Variants in GALNTL6 observed in about 807,000 individuals in gnomAD.
GALNTL6 encodes polypeptide N-acetylgalactosaminyltransferase-like 6.
A neutral mutation model predicts 73.7 loss-of-function variants in GALNTL6; 46 were observed. That is an observed-to-expected ratio of 0.62 (90% CI 0.49 to 0.80). The LOEUF (loss-of-function observed/expected upper bound fraction) is 0.80. GALNTL6 is among the 30% of genes least tolerant of loss of function. GALNTL6 has a pLI of 0.00. For missense variants in GALNTL6, 604 were observed against 755.0 expected, an observed-to-expected ratio of 0.80 and a Z score of 2.34; for synonymous variants, 259 against 263.7, an observed-to-expected ratio of 0.98 and a Z score of 0.17.
chr4:172,104,219 A>G (rs1408838858), intron 2 of GALNTL6, among the ~76,000 whole-genome samples: 1 of 152,166 alleles, frequency 6.6e-6, no homozygotes, highest in Non-Finnish European at 1.5e-5. Context: ...CTGGGATTAC[A>G]GGTGTGAGCC....
At chr4:172,341,429 CG>C (rs1741559524) in intron 4 of GALNTL6, among the ~76,000 whole-genome samples, 1 of 121,684 alleles carries the variant, frequency 8.2e-6, no homozygotes, top group South Asian at 2.7e-4. Context: ...CCAGCCTGGG[CG>C]ACAGAGCGAG....
rs534006907 is a variant in GALNTL6, at chr4:172,418,774, G to A, written c.553+70085G>A. Among the ~76,000 whole-genome samples, 11 of 152,202 alleles carry A rather than the reference G, an allele frequency of 7.2e-5. 1 individual carries two copies. In the South Asian group the frequency reaches 2.3e-3, roughly 32 times the overall value. ...TTAACAAATCAATCTATGTGACAAAGGAGGAAGATTATATCCACATTAAGA... is the reference window on the plus strand; with the variant it reads ...TTAACAAATCAATCTATGTGACAAAAGAGGAAGATTATATCCACATTAAGA... On this transcript the variant is annotated intron_variant, in intron 5 of 12. Coordinates refer to ENST00000506823, the MANE Select transcript of GALNTL6 (RefSeq NM_001034845.3).
At chr4:172,718,658 A>G (rs1293274569) in intron 5 of GALNTL6, among the ~76,000 whole-genome samples, 1 of 151,984 alleles carries the variant, frequency 6.6e-6, no homozygotes, top group Non-Finnish European at 1.5e-5. Context: ...AAAAAAAATC[A>G]TCTGTAAATA....
chr4:172,826,669 C>T (rs139516257), intron 7 of GALNTL6, among the ~76,000 whole-genome samples: 1 of 152,274 alleles, frequency 6.6e-6, no homozygotes, highest in Non-Finnish European at 1.5e-5. Context: ...CCTTTAGCCT[C>T]CAGACTACCC....
At chr4:172,617,087 A>C (rs1477951107) in intron 5 of GALNTL6, among the ~76,000 whole-genome samples, 4 of 151,824 alleles carry the variant, frequency 2.6e-5, no homozygotes, top group Non-Finnish European at 5.9e-5. Flanking sequence ...AAATAGACAC[A>C]TTTTCTGGAC....
chr4:172,333,269 G>A (rs190013030), intron 4 of GALNTL6, among the ~76,000 whole-genome samples: 2 of 152,238 alleles, frequency 1.3e-5, no homozygotes, highest in Admixed American at 1.3e-4. Context: ...GCCAGGCATG[G>A]TGGTGCATGC....
chr4:172,187,273 G>A (rs1206116546), intron 2 of GALNTL6, among the ~76,000 whole-genome samples: 1 of 151,982 alleles, frequency 6.6e-6, no homozygotes, highest in Non-Finnish European at 1.5e-5. Flanking sequence ...CAGGGTAAAT[G>A]TTTATTTGTT....
intron 2 of GALNTL6, among the ~76,000 whole-genome samples, chr4:172,125,878 C>T (rs1733281309): frequency 6.6e-6 from 1 of 152,158 alleles, no homozygotes; most frequent in Non-Finnish European, 1.5e-5. Flanking sequence ...TATTTTGATA[C>T]AAACTTTTAA....
chr4:172,312,371 C>T (rs1251970123), intron 4 of GALNTL6, among the ~76,000 whole-genome samples: 1 of 145,498 alleles, frequency 6.9e-6, no homozygotes, highest in East Asian at 2.1e-4. Flanking sequence ...TCTCTATCCA[C>T]CCCCATCTAC....
At chr4:172,298,503 CTCT>C (rs1271669319) in intron 3 of GALNTL6, among the ~76,000 whole-genome samples, 3 of 152,126 alleles carry the variant, frequency 2.0e-5, no homozygotes, top group Non-Finnish European at 4.4e-5. Context: ...TCACAAATAG[CTCT>C]TATTATTTTG....
At chr4:172,161,959 G>A (rs754502578) in intron 2 of GALNTL6, among the ~76,000 whole-genome samples, 7 of 151,936 alleles carry the variant, frequency 4.6e-5, no homozygotes, top group Non-Finnish European at 8.8e-5. Flanking sequence ...ATAGATAAGT[G>A]GTAAAAGTGA....
At chr4:171,937,810 A>G (rs1738397912) in intron 2 of GALNTL6, among the ~76,000 whole-genome samples, 1 of 152,178 alleles carries the variant, frequency 6.6e-6, no homozygotes, top group South Asian at 2.1e-4. Flanking sequence ...AAGAGCCCCA[A>G]TTTTAGTGTT....
At chr4:172,017,337 G>T (rs1163984745) in intron 2 of GALNTL6, among the ~76,000 whole-genome samples, 3 of 152,144 alleles carry the variant, frequency 2.0e-5, no homozygotes, top group Non-Finnish European at 2.9e-5. Flanking sequence ...CAGAAATGTT[G>T]ATGTTTTGAG....
intron 2 of GALNTL6, among the ~76,000 whole-genome samples, chr4:172,112,998 T>C (rs1732895232): frequency 1.3e-5 from 2 of 152,002 alleles, no homozygotes; most frequent in South Asian, 4.1e-4. Context: ...TTTCCTATTA[T>C]AGAAAACAAA....
intron 5 of GALNTL6, among the ~76,000 whole-genome samples, chr4:172,646,887 T>C (rs1740267370): frequency 6.6e-6 from 1 of 152,084 alleles, no homozygotes; most frequent in Admixed American, 6.6e-5. Context: ...AATACAAATC[T>C]TGACATTAGA....
At chr4:172,160,925 C>T (rs1734444020) in intron 2 of GALNTL6, among the ~76,000 whole-genome samples, 1 of 143,338 alleles carries the variant, frequency 7.0e-6, no homozygotes, top group African/African-American at 2.6e-5. Context: ...CACACACACA[C>T]TCACACACAT....
chr4:172,706,729 G>A (rs1253545054), intron 5 of GALNTL6, among the ~76,000 whole-genome samples: 2 of 152,076 alleles, frequency 1.3e-5, no homozygotes, highest in East Asian at 1.9e-4. Flanking sequence ...CTCAGACTGC[G>A]GGGATCCCAG....
At chr4:172,058,653 A>G (rs1221765766) in intron 2 of GALNTL6, among the ~76,000 whole-genome samples, 4 of 152,052 alleles carry the variant, frequency 2.6e-5, no homozygotes, top group Non-Finnish European at 5.9e-5. Flanking sequence ...AATAATATCT[A>G]TACTTCTTTT....
At chr4:172,153,277 G>A (rs890261716) in intron 2 of GALNTL6, among the ~76,000 whole-genome samples, 1 of 152,134 alleles carries the variant, frequency 6.6e-6, no homozygotes, top group Non-Finnish European at 1.5e-5. Flanking sequence ...CCTCTTACAA[G>A]TCTTTACACG....
Sources: gnomAD v4.1 joint callset for allele counts (sites outside exome capture counted in the v4.1 genomes callset) on GRCh38, gnomAD v4.1.1 for gene constraint, MANE v1.5 for transcripts, NCBI Gene and HGNC (gene_info 2026-07-23, HGNC 2026-07-21) for gene names.